Variants in NLN observed in about 807,000 individuals in gnomAD.
NLN encodes the protein neurolysin.
In NLN, 64 loss-of-function variants were observed where a neutral mutation model predicts 79.9. That is an observed-to-expected ratio of 0.80 (90% CI 0.65 to 0.99). NLN has a LOEUF of 0.99. NLN is among the 50% of genes least tolerant of loss of function. The pLI, the probability that NLN is intolerant of heterozygous loss-of-function variation, is 0.00. For missense variants in NLN, 835 were observed against 858.7 expected (o/e 0.97, Z 0.34); for synonymous variants, 267 against 296.6 (o/e 0.90, Z 1.02).
intron 3 of NLN, among the ~76,000 whole-genome samples, chr5:65,766,584 C>T (rs1398029067): frequency 6.6e-6 from 1 of 152,156 alleles, no homozygotes; most frequent in Non-Finnish European, 1.5e-5. Flanking sequence ...CATCACACCC[C>T]CAGCCCCTCA....
At chr5:65,762,413 A>G (rs558369700) in intron 2 of NLN, among the ~76,000 whole-genome samples, 2 of 152,254 alleles carry the variant, frequency 1.3e-5, no homozygotes, top group Non-Finnish European at 2.9e-5. Context: ...GGCTAGATGC[A>G]GTGATTCATG....
rs778937110 is a variant in NLN at position 65,809,668 on chromosome 5, G to A, written c.1681G>A (p.Glu561Lys). 2.5e-6 allele frequency: 4 copies of A among 1,610,352 alleles called. No homozygotes were observed. The highest frequency in any genetic ancestry group is 1.3e-5 in the African/African-American group (1 of 74,696). The change falls in exon 10 of 13, where the codon GAA becomes AAA. Residue 561 changes from glutamate (E) to lysine (K), a missense_variant. By Grantham distance (56) the Glu-to-Lys change is moderately conservative. Coordinates refer to ENST00000380985, the MANE Select transcript of NLN (RefSeq NM_020726.5). The stretch of plus-strand genomic sequence containing the variant: ...AAGCCCTATTGCAGACGATCTGCTT[G>A]AAAAACTTGTTGCTTCTAGGCTGGT... ...DGSPIADDLLEKLVASRLVNT... is the reference protein window; with the variant it reads ...DGSPIADDLLKKLVASRLVNT...
chr5:65,773,924 C>G (rs1312261988), intron 3 of NLN, among the ~76,000 whole-genome samples: 1 of 151,988 alleles, frequency 6.6e-6, no homozygotes, highest in African/African-American at 2.4e-5. Context: ...GCCCAGGTGA[C>G]AGAGTGAGAC....
At chr5:65,768,970 G>A (rs768927500) in intron 3 of NLN, among the ~76,000 whole-genome samples, 4 of 152,244 alleles carry the variant, frequency 2.6e-5, no homozygotes, top group Non-Finnish European at 4.4e-5. Context: ...AGTCCATAGC[G>A]CAGAGCGTCT....
intron 1 of NLN, among the ~76,000 whole-genome samples, chr5:65,727,411 C>G (rs1044026161): frequency 6.6e-6 from 1 of 152,084 alleles, no homozygotes; most frequent in Admixed American, 6.6e-5. Flanking sequence ...CACAAATGAT[C>G]CTCCCATCTC....
intron 1 of NLN, among the ~76,000 whole-genome samples, chr5:65,723,532 C>A (rs904045481): frequency 1.3e-5 from 2 of 151,216 alleles, no homozygotes; most frequent in South Asian, 4.2e-4. Flanking sequence ...GAGCAATTCT[C>A]GGCCGGGCGC....
chr5:65,803,119 G>C (rs1308529760), intron 9 of NLN, among the ~76,000 whole-genome samples: 1 of 152,158 alleles, frequency 6.6e-6, no homozygotes, highest in Non-Finnish European at 1.5e-5. Context: ...TTGGCTTATG[G>C]GTGGGCCTGG....
At position 65,828,601 on chromosome 5, in the gene NLN, G is replaced by A. The variant is rs1395969043; in HGVS notation, c.*5686G>A. The A allele has an allele frequency of 1.3e-5, 2 of 152,188 alleles. No homozygotes were observed. The highest frequency in any genetic ancestry group is 2.9e-5 in the Non-Finnish European group (2 of 68,038). The allele number at this position is 152,188 out of a possible 1,614,324, so 9.4% of individuals were successfully genotyped here. On this transcript the variant is annotated 3_prime_UTR_variant, in exon 13 of 13. Transcript: ENST00000380985. Reference sequence around the variant, plus strand: ...CATTAGAGAAACGGTTGGAAAATATGAGGAGGATTTAGTTCAGTACGAGGA... The same window carrying A: ...CATTAGAGAAACGGTTGGAAAATATAAGGAGGATTTAGTTCAGTACGAGGA...
chr5:65,787,850 T>C (rs540968989), intron 7 of NLN, among the ~76,000 whole-genome samples: 141 of 152,316 alleles, frequency 9.3e-4, no homozygotes, highest in Admixed American at 3.3e-3. Context: ...TGGTGATGAA[T>C]TGAGGAACTC....
rs566769914 is a variant in NLN, at chr5:65,802,185, C to G, written c.1528-7330C>G. Reference sequence around the variant, plus strand: ...TCAGCCTGGCAGGCTGCACTCAGCTCGCACTACTGGCCTGGATCCCATGCC... The same window carrying G: ...TCAGCCTGGCAGGCTGCACTCAGCTGGCACTACTGGCCTGGATCCCATGCC... On this transcript the variant is annotated intron_variant, in intron 9 of 12. Transcript: ENST00000380985. Among the ~76,000 whole-genome samples the G allele has an allele frequency of 3.0e-4, 46 of 152,350 alleles. No individual in the cohort carries two copies. In the East Asian group the frequency reaches 7.9e-3, roughly 26 times the overall value.
chr5:65,776,381 C>T (rs1297481461), intron 3 of NLN, among the ~76,000 whole-genome samples: 2 of 152,186 alleles, frequency 1.3e-5, no homozygotes, highest in Non-Finnish European at 2.9e-5. Flanking sequence ...TATTGCAGCA[C>T]AGATCTAGCA....
At chr5:65,786,214 T>C (rs1036123152) in intron 7 of NLN, among the ~76,000 whole-genome samples, 1 of 152,172 alleles carries the variant, frequency 6.6e-6, no homozygotes. Context: ...TTCTCTTCAC[T>C]AGGGATTTAG....
chr5:65,800,702 T>A (rs575845704), intron 9 of NLN, among the ~76,000 whole-genome samples: 109 of 53,984 alleles, frequency 2.0e-3, no homozygotes, highest in African/African-American at 9.5e-3. Flanking sequence ...TTATTTATTT[T>A]GAGGCAGGGT....
At chr5:65,731,800 G>A (rs1417977885) in intron 1 of NLN, among the ~76,000 whole-genome samples, 1 of 135,270 alleles carries the variant, frequency 7.4e-6, no homozygotes, top group Non-Finnish European at 1.5e-5. Flanking sequence ...ACCCAGGCTG[G>A]AGTATAGTGG....
chr5:65,759,160 G>C (rs1340184211), intron 2 of NLN, among the ~76,000 whole-genome samples: 1 of 152,010 alleles, frequency 6.6e-6, no homozygotes, highest in Non-Finnish European at 1.5e-5. Context: ...TGTATAAATA[G>C]GTATTCTTGT....
chr5:65,802,808 C>G (rs1339808909), intron 9 of NLN, among the ~76,000 whole-genome samples: 1 of 152,138 alleles, frequency 6.6e-6, no homozygotes, highest in African/African-American at 2.4e-5. Context: ...TGGATAGCTC[C>G]TCTCCACAGG....
chr5:65,821,334 G>A (rs749070423), intron 12 of NLN, among the ~76,000 whole-genome samples: 5 of 152,182 alleles, frequency 3.3e-5, no homozygotes, highest in Non-Finnish European at 5.9e-5. Context: ...GACCTGTCCA[G>A]TATGGTAGCC....
At chr5:65,726,951 CTT>C (rs1758485726) in intron 1 of NLN, among the ~76,000 whole-genome samples, 1 of 152,174 alleles carries the variant, frequency 6.6e-6, no homozygotes. Flanking sequence ...GCCTAACTGA[CTT>C]ACAGTTTCCA....
intron 9 of NLN, among the ~76,000 whole-genome samples, chr5:65,794,096 T>G (rs1262569839): frequency 6.6e-6 from 1 of 152,054 alleles, no homozygotes; most frequent in African/African-American, 2.4e-5. Flanking sequence ...TGCTGGAGGT[T>G]TGCACTGTAT....
Sources: gnomAD v4.1 joint callset for allele counts (sites outside exome capture counted in the v4.1 genomes callset) on GRCh38, gnomAD v4.1.1 for gene constraint, MANE v1.5 for transcripts, NCBI Gene and HGNC (gene_info 2026-07-23, HGNC 2026-07-21) for gene names.